Variants in SGSM3 observed in about 807,000 individuals in gnomAD.
SGSM3 encodes RUN and SH3 containing 3.
SGSM3 carries 96 observed loss-of-function variants against 100.5 expected under a neutral mutation model. The observed-to-expected ratio is 0.96, with a 90% confidence interval of 0.81 to 1.13. The LOEUF (loss-of-function observed/expected upper bound fraction) is 1.13. SGSM3 is among the 50% of genes most tolerant of loss of function. The pLI is 0.00. For synonymous variants in SGSM3, 483 were observed against 422.8 expected, an observed-to-expected ratio of 1.14 and a Z score of -1.75; for missense variants, 1,001 against 1,015.8, an observed-to-expected ratio of 0.99 and a Z score of 0.20.
chr22:40,379,331 C>T (rs1187068763), intron 1 of SGSM3: 1 of 152,392 alleles, frequency 6.6e-6, no homozygotes, highest in African/African-American at 2.4e-5. Context: ...GAATATCTAG[C>T]TCATGCTGTC....
At chr22:40,381,363 G>T (rs2047550724) in intron 1 of SGSM3, among the ~76,000 whole-genome samples, 1 of 152,058 alleles carries the variant, frequency 6.6e-6, no homozygotes, top group Non-Finnish European at 1.5e-5. Flanking sequence ...TGCCGAGGCT[G>T]GTCTCAAACT....
At chr22:40,408,901 G>C (rs774856902) in intron 18 of SGSM3, 32 bp from the exon 19 acceptor site, 1 of 1,613,782 alleles carries the variant, frequency 6.2e-7, no homozygotes, top group African/African-American at 1.3e-5. Context: ...CTGTGGGGGA[G>C]CCTGAGTGAC....
At chr22:40,402,241 A>G (rs757542246) in intron 4 of SGSM3, 36 bp downstream of exon 4, 1 of 1,550,734 alleles carries the variant, frequency 6.4e-7, no homozygotes, top group African/African-American at 1.4e-5. Flanking sequence ...CATCTTGCTG[A>G]TGTTCTTTGG....
Position 40,407,450 on chromosome 22 carries a change from G to A in SGSM3, c.1406G>A (p.Arg469Gln), listed in dbSNP as rs199635422. The change falls in exon 13 of 22, where the codon CGG (arginine) becomes CAG (glutamine). Residue 469 changes from arginine to glutamine, a missense_variant. Transcript: ENST00000248929. The surrounding 1 kb of genome is among the most constrained non-coding windows in gnomAD (Gnocchi z 4.7). ...TPDYSMESHQ[R>Q]DHENYVACSR... The stretch of plus-strand genomic sequence containing the variant: ...GACTATAGCATGGAGAGCCACCAGC[G>A]GGACCACGAGAACTACGTGGCGTGC... The A allele has an allele frequency of 5.4e-5, 87 of 1,612,614 alleles. No individual in the cohort carries two copies. The highest frequency in any genetic ancestry group is 4.7e-4 in the East Asian group (21 of 44,880).
chr22:40,390,785 G>T (rs1023715401), intron 1 of SGSM3, among the ~76,000 whole-genome samples: 4 of 152,322 alleles, frequency 2.6e-5, no homozygotes, highest in Middle Eastern at 3.4e-3. Context: ...CAATGCTTCA[G>T]CTGTGCCTTG....
Position 40,410,103 on chromosome 22 carries a change from G to GAGAA in SGSM3, c.*347_*350dup. ...TTATAAATAAACTGTGTCTGTCTTTGAGAAAGCACCTACCTGTCTTCTGTG... is the reference window on the plus strand; with the variant it reads ...TTATAAATAAACTGTGTCTGTCTTTGAGAAAGAAAGCACCTACCTGTCTTCTGTG... On this transcript the variant is annotated 3_prime_UTR_variant, in exon 22 of 22. Coordinates refer to ENST00000248929, the MANE Select transcript of SGSM3 (RefSeq NM_015705.6). 1 of 1,096,856 alleles carries GAGAA rather than the reference G, an allele frequency of 9.1e-7. No homozygotes were observed. Among genetic ancestry groups the GAGAA allele is most frequent in the South Asian group, 3.3e-5 (1 of 29,908 alleles). 67.9% of individuals were successfully genotyped at this position (1,096,856 alleles called of 1,614,324 possible). A position where few individuals can be genotyped will look rare whatever the true frequency, so the allele number is the denominator to read the frequency against.
At chr22:40,394,509 G>A (rs765011672) in intron 1 of SGSM3, among the ~76,000 whole-genome samples, 5 of 152,186 alleles carry the variant, frequency 3.3e-5, no homozygotes, top group African/African-American at 4.8e-5. Flanking sequence ...AGCCGGGTGC[G>A]GTGGTGGGCA....
chr22:40,376,407 A>C (rs2046606436), intron 1 of SGSM3: 1 of 151,684 alleles, frequency 6.6e-6, no homozygotes, highest in South Asian at 2.1e-4. Flanking sequence ...TCCTGCTTTA[A>C]TCTCATGAGT....
Position 40,408,351 on chromosome 22 carries a change from T to A in SGSM3, c.1704T>A (p.Leu568=). Residue 568 remains leucine (L), a synonymous_variant, in exon 16 of 22, where the codon CTT becomes CTA. Transcript: ENST00000248929. ...DLVRGTLCPA[L]KALFEHGLKK... is the part of the protein sequence containing the mutation. ...TGCGAGGGACCCTCTGCCCGGCCCT[T>A]AAGGCCCTGTTCGAACATGGACTGA... The A allele has an allele frequency of 1.9e-6, 3 of 1,613,500 alleles. No individual in the cohort carries two copies. Among genetic ancestry groups the A allele is most frequent in the Non-Finnish European group, 2.5e-6 (3 of 1,179,984 alleles).
intron 1 of SGSM3, among the ~76,000 whole-genome samples, chr22:40,399,762 C>A (rs902415268): frequency 3.3e-5 from 5 of 152,188 alleles, no homozygotes; most frequent in African/African-American, 9.7e-5. Context: ...GGATGGCTGG[C>A]CTGTTGGGGA....
intron 1 of SGSM3, among the ~76,000 whole-genome samples, chr22:40,372,444 C>T (rs1336222608): frequency 2.0e-5 from 3 of 152,118 alleles, no homozygotes; most frequent in Non-Finnish European, 2.9e-5. Context: ...CCTTTTTAAG[C>T]GTGGAGGTGT....
At chr22:40,404,714 C>T in intron 6 of SGSM3, 50 bp downstream of exon 6, 9 of 1,356,988 alleles carry the variant, frequency 6.6e-6, no homozygotes, top group Non-Finnish European at 9.4e-6. Context: ...TGTGGGCTCG[C>T]AGGAGAGAGG....
chr22:40,375,797 G>T (rs2046452545), intron 1 of SGSM3, among the ~76,000 whole-genome samples: 1 of 151,926 alleles, frequency 6.6e-6, no homozygotes, highest in Admixed American at 6.6e-5. Flanking sequence ...CAGCACTTTG[G>T]GAGGCTGAGG....
At chr22:40,391,298 A>G (rs1020995108) in intron 1 of SGSM3, among the ~76,000 whole-genome samples, 2 of 152,140 alleles carry the variant, frequency 1.3e-5, no homozygotes, top group Admixed American at 6.5e-5. Flanking sequence ...TGATTCTGAT[A>G]CACTCTGTAT....
intron 1 of SGSM3, among the ~76,000 whole-genome samples, chr22:40,384,678 G>A (rs1440704449): frequency 1.3e-5 from 2 of 152,170 alleles, no homozygotes; most frequent in African/African-American, 4.8e-5. Context: ...TACTCAGGAG[G>A]CTAAGGCGGG....
chr22:40,380,210 T>C (rs2146792270), intron 1 of SGSM3, among the ~76,000 whole-genome samples: 1 of 152,324 alleles, frequency 6.6e-6, no homozygotes, highest in Non-Finnish European at 1.5e-5. Context: ...TTAACATTTT[T>C]TTAATGCTGT....
At chr22:40,373,171 G>C (rs1366476159) in intron 1 of SGSM3, among the ~76,000 whole-genome samples, 1 of 152,196 alleles carries the variant, frequency 6.6e-6, no homozygotes, top group East Asian at 1.9e-4. Context: ...GTCACTGTAA[G>C]TGACAGGGCC....
chr22:40,406,122 A>G lies in SGSM3; in HGVS notation c.859A>G (p.Ser287Gly). Residue 287 changes from serine to glycine, a missense_variant, in exon 9 of 22, where the codon AGC becomes GGC. By Grantham distance (56) the Ser-to-Gly change is moderately conservative. Transcript: ENST00000248929. ...GCACTGGTTCCTCACGGCCTTCGCC[A>G]GCGTGGTGGACATCAAGCTGCTCCT... Reference protein sequence around the residue: ...TLHWFLTAFASVVDIKLLLRI... With the variant: ...TLHWFLTAFAGVVDIKLLLRI... 2 of 1,614,104 alleles carry G rather than the reference A, an allele frequency of 1.2e-6. No homozygotes were observed. The highest frequency in any genetic ancestry group is 8.5e-7 in the Non-Finnish European group (1 of 1,180,024).
At chr22:40,384,060 G>T (rs2048028183) in intron 1 of SGSM3, among the ~76,000 whole-genome samples, 1 of 152,080 alleles carries the variant, frequency 6.6e-6, no homozygotes, top group Admixed American at 6.5e-5. Flanking sequence ...ACCTTCCTGG[G>T]CAAGATAGTA....
Sources: allele counts gnomAD v4.1 joint callset (sites outside exome capture counted in the v4.1 genomes callset), GRCh38; gene constraint gnomAD v4.1.1; non-coding constraint Gnocchi (gnomAD v3.1); transcripts MANE v1.5; gene names NCBI Gene and HGNC (gene_info 2026-07-23, HGNC 2026-07-21).